The following ZNF385D variants were observed in gnomAD, a reference collection of about 807,000 sequenced individuals.
ZNF385D encodes the protein zinc finger protein 659.
ZNF385D carries 15 observed loss-of-function variants against 35.8 expected under a neutral mutation model. The ratio of observed to expected loss-of-function variants is 0.42; its 90% CI spans 0.28 to 0.64. The LOEUF is 0.64. ZNF385D is among the 30% of genes least tolerant of loss of function. The pLI, the probability that ZNF385D is intolerant of heterozygous loss-of-function variation, is 0.23. For missense variants in ZNF385D, 474 were observed against 494.6 expected, an observed-to-expected ratio of 0.96 and a Z score of 0.39; for synonymous variants, 212 against 186.8, an observed-to-expected ratio of 1.13 and a Z score of -1.10.
At chr3:21,762,699 C>A (rs2070671464) in intron 3 of ZNF385D, among the ~76,000 whole-genome samples, 1 of 152,132 alleles carries the variant, frequency 6.6e-6, no homozygotes, top group Non-Finnish European at 1.5e-5. Context: ...AAGTTATAGA[C>A]AGACAGCCTT....
At chr3:22,363,002 A>G (rs963192206) in intron 2 of ZNF385D, among the ~76,000 whole-genome samples, 3 of 152,142 alleles carry the variant, frequency 2.0e-5, no homozygotes, top group African/African-American at 7.2e-5. Context: ...GTTCTACGAG[A>G]TCAGCAAAGA....
At chr3:22,109,133 A>C (rs1702379611) in intron 3 of ZNF385D, among the ~76,000 whole-genome samples, 1 of 152,188 alleles carries the variant, frequency 6.6e-6, no homozygotes, top group Non-Finnish European at 1.5e-5. Context: ...TTAGGGAAGG[A>C]AACCATATTT....
intron 2 of ZNF385D, among the ~76,000 whole-genome samples, chr3:22,266,343 T>G (rs1197857107): frequency 1.3e-5 from 2 of 152,060 alleles, no homozygotes; most frequent in Admixed American, 6.6e-5. Context: ...AATGCACATC[T>G]CTTGATCAGA....
At chr3:22,354,390 A>G (rs1696057014) in intron 2 of ZNF385D, among the ~76,000 whole-genome samples, 2 of 152,132 alleles carry the variant, frequency 1.3e-5, no homozygotes, top group African/African-American at 4.8e-5. Context: ...TGTTGCTGCT[A>G]TTATGAAAAA....
At chr3:21,829,491 AC>A (rs1342513993) in intron 3 of ZNF385D, among the ~76,000 whole-genome samples, 2 of 152,152 alleles carry the variant, frequency 1.3e-5, no homozygotes, top group African/African-American at 4.8e-5. Flanking sequence ...CTGACCATGC[AC>A]TTTTGTGCAG....
At chr3:21,483,448 G>C (rs1199540551) in intron 4 of ZNF385D, among the ~76,000 whole-genome samples, 1 of 152,176 alleles carries the variant, frequency 6.6e-6, no homozygotes, top group South Asian at 2.1e-4. Context: ...AATGTCTGGA[G>C]TAAATACCCA....
chr3:21,427,455 G>A (rs1701074465), intron 5 of ZNF385D, among the ~76,000 whole-genome samples: 1 of 152,122 alleles, frequency 6.6e-6, no homozygotes, highest in South Asian at 2.1e-4. Flanking sequence ...TGTTTCATAG[G>A]TGGAAGCTGA....
At chr3:21,956,055 C>T (rs1026514299) in intron 3 of ZNF385D, among the ~76,000 whole-genome samples, 1 of 151,964 alleles carries the variant, frequency 6.6e-6, no homozygotes, top group South Asian at 2.1e-4. Context: ...CGTCTAGTGG[C>T]ACATGCCCAT....
intron 3 of ZNF385D, among the ~76,000 whole-genome samples, chr3:21,928,406 G>T (rs943675850): frequency 6.6e-6 from 1 of 151,700 alleles, no homozygotes; most frequent in Non-Finnish European, 1.5e-5. Flanking sequence ...AAGAAGGAAA[G>T]AAGAAAGGGA....
rs368675411 is a variant in ZNF385D, at chr3:22,182,694, A to G, written c.107-13659T>C. On this transcript the variant is annotated intron_variant, in intron 2 of 5. Transcript: ENST00000494108. ...TTTAACATATTTTTCTATTATCCAA[A>G]TAAGTTTGAAAGATTGTTTAATAAG... Among the ~76,000 whole-genome samples, 20 of 152,166 alleles carry G rather than the reference A, an allele frequency of 1.3e-4. No homozygotes were observed. In the East Asian group the frequency reaches 2.3e-3, roughly 18 times the overall value.
chr3:22,349,638 A>C (rs1180502533), intron 2 of ZNF385D, among the ~76,000 whole-genome samples: 1 of 152,188 alleles, frequency 6.6e-6, no homozygotes, highest in African/African-American at 2.4e-5. Flanking sequence ...GAAATCCTTC[A>C]TTTTAAAAAA....
At chr3:21,687,004 A>C (rs1190940572) in intron 1 of ZNF385D, among the ~76,000 whole-genome samples, 1 of 152,196 alleles carries the variant, frequency 6.6e-6, no homozygotes, top group Admixed American at 6.5e-5. Flanking sequence ...ATGTGGCATA[A>C]GAGACACCAT....
At chr3:22,088,576 C>T (rs1576298648) in intron 3 of ZNF385D, among the ~76,000 whole-genome samples, 2 of 152,098 alleles carry the variant, frequency 1.3e-5, no homozygotes, top group Admixed American at 1.3e-4. Context: ...TGGACACCAA[C>T]CAGAAGAGAT....
chr3:22,287,161 T>TA (rs1242329150), intron 2 of ZNF385D, among the ~76,000 whole-genome samples: 1 of 152,050 alleles, frequency 6.6e-6, no homozygotes, highest in Non-Finnish European at 1.5e-5. Flanking sequence ...TTTTTTTACT[T>TA]AAAGCTTACG....
At chr3:21,593,284 C>A (rs1056704991) in intron 2 of ZNF385D, among the ~76,000 whole-genome samples, 2 of 152,140 alleles carry the variant, frequency 1.3e-5, no homozygotes, top group African/African-American at 4.8e-5. Context: ...CCTACCTCTC[C>A]TAGCTTCAAG....
At chr3:22,253,605 C>G (rs1259649593) in intron 2 of ZNF385D, among the ~76,000 whole-genome samples, 1 of 151,890 alleles carries the variant, frequency 6.6e-6, no homozygotes, top group Non-Finnish European at 1.5e-5. Flanking sequence ...GACAAGATTC[C>G]AAATCCCTGG....
chr3:21,484,867 C>A (rs931100896), intron 4 of ZNF385D, among the ~76,000 whole-genome samples: 4 of 152,154 alleles, frequency 2.6e-5, no homozygotes, highest in Non-Finnish European at 5.9e-5. Flanking sequence ...CCCATTGGTA[C>A]TTCTAGCTTG....
At chr3:22,288,981 T>A (rs1702160846) in intron 2 of ZNF385D, among the ~76,000 whole-genome samples, 1 of 152,114 alleles carries the variant, frequency 6.6e-6, no homozygotes, top group Admixed American at 6.6e-5. Flanking sequence ...CCAAGTCTTG[T>A]CAGTACCTCA....
At chr3:22,096,204 G>A (rs532885094) in intron 3 of ZNF385D, among the ~76,000 whole-genome samples, 6 of 152,032 alleles carry the variant, frequency 3.9e-5, no homozygotes, top group Admixed American at 1.3e-4. Context: ...TTGAAAAACC[G>A]ACTGTTGAGT....
Sources: allele counts gnomAD v4.1 joint callset (sites outside exome capture counted in the v4.1 genomes callset), GRCh38; gene constraint gnomAD v4.1.1; transcripts MANE v1.5; gene names NCBI Gene and HGNC (gene_info 2026-07-23, HGNC 2026-07-21).